Variants in DNAAF1 observed in about 807,000 individuals in gnomAD.
The protein encoded by DNAAF1 is dynein assembly factor 1, axonemal.
In DNAAF1, 65 loss-of-function variants were observed where a neutral mutation model predicts 71.1. That is an observed-to-expected ratio of 0.91 (90% CI 0.75 to 1.12). DNAAF1 has a LOEUF of 1.12. DNAAF1 is among the 50% of genes most tolerant of loss of function. DNAAF1 has a pLI of 0.00. For missense variants in DNAAF1, 1,178 were observed against 899.8 expected, an observed-to-expected ratio of 1.31 and a Z score of -3.96; for synonymous variants, 414 against 354.6, an observed-to-expected ratio of 1.17 and a Z score of -1.88.
chr16:84,176,441 TG>T (rs2088665532), intron 11 of DNAAF1, 142 bp downstream of exon 11: 1 of 1,289,346 alleles, frequency 7.8e-7, no homozygotes, highest in South Asian at 1.2e-5. Context: ...ACAGATCCTC[TG>T]AAGGTCCCAT....
intron 3 of DNAAF1, among the ~76,000 whole-genome samples, chr16:84,153,074 G>C (rs1288957529): frequency 6.6e-6 from 1 of 152,144 alleles, no homozygotes. Context: ...AATGTGACCA[G>C]TTACTGGCTG....
intron 6 of DNAAF1, among the ~76,000 whole-genome samples, chr16:84,161,137 C>T (rs751711441): frequency 3.9e-5 from 6 of 152,122 alleles, no homozygotes; most frequent in Non-Finnish European, 7.3e-5. Context: ...CCTGGGCGCA[C>T]GTTCCTCATC....
chr16:84,145,574 G>A lies in DNAAF1; in HGVS notation c.124+10G>A, dbSNP rs1218358580. On this transcript the variant is annotated intron_variant, in intron 1 of 11. Transcript: ENST00000378553. ...GGGGGCTGCAAGGAAGGTGCCGACT[G>A]CCCCCCAGGGAGGGCGGTGGGCGAG... 1 of 1,544,876 alleles carries A rather than the reference G, an allele frequency of 6.5e-7. No homozygotes were observed. Among genetic ancestry groups the A allele is most frequent in the Non-Finnish European group, 8.7e-7 (1 of 1,145,390 alleles).
intron 7 of DNAAF1, among the ~76,000 whole-genome samples, chr16:84,167,836 A>G (rs1685702111): frequency 6.6e-6 from 1 of 152,006 alleles, no homozygotes; most frequent in African/African-American, 2.4e-5. Flanking sequence ...AACAACATGG[A>G]GAAACCCCGT....
chr16:84,158,312 C>T (rs1031417209), intron 5 of DNAAF1, among the ~76,000 whole-genome samples: 1 of 152,174 alleles, frequency 6.6e-6, no homozygotes, highest in African/African-American at 2.4e-5. Flanking sequence ...GAGGCATCTC[C>T]TTGGCTGGTA....
rs373057879 is a variant in DNAAF1 at position 84,162,817 on chromosome 16, A to G, written c.864-2966A>G. ...CTGGGTGACAGTGGGAGACTGTCTC[A>G]AAAAAACAAAAAAAAAAGAAATACC... On this transcript the variant is annotated intron_variant, in intron 6 of 11. Coordinates refer to ENST00000378553, the MANE Select transcript of DNAAF1 (RefSeq NM_178452.6). 9.2e-5 allele frequency among the ~76,000 whole-genome samples: 14 copies of G among 151,954 alleles called. No individual in the cohort carries two copies. The South Asian group carries it at 2.9e-3, about 32-fold the overall frequency.
At chr16:84,150,961 GGTTGGGAGGTATAT>G (rs1216727524) in intron 3 of DNAAF1, among the ~76,000 whole-genome samples, 1 of 152,100 alleles carries the variant, frequency 6.6e-6, no homozygotes, top group Admixed American at 6.6e-5. Context: ...AGTACTTTGG[GGTTGGGAGGTATAT>G]GTTGGGAAGG....
At chr16:84,172,203 T>C (rs2088394502) in intron 8 of DNAAF1, 57 bp from the exon 9 acceptor site, 3 of 1,536,046 alleles carry the variant, frequency 2.0e-6, no homozygotes, top group Non-Finnish European at 2.7e-6. Flanking sequence ...CACCGTAGGC[T>C]CGTCCATCTG....
At chr16:84,155,375 T>C (rs1017706383) in intron 4 of DNAAF1, among the ~76,000 whole-genome samples, 3 of 152,156 alleles carry the variant, frequency 2.0e-5, no homozygotes, top group African/African-American at 7.2e-5. Context: ...ACCACAGGCA[T>C]GTGCCACCAG....
In DNAAF1 at chr16:84,146,121, A is replaced by C. The variant is rs138174166; in HGVS notation, c.124+557A>C. On this transcript the variant is annotated intron_variant, in intron 1 of 11. Transcript: ENST00000378553. ...CAAACAAACAAACAAACAAACAAGC[A>C]AACAAAACCCACCAGACTCAGGCCC... 3.3e-3 allele frequency among the ~76,000 whole-genome samples: 507 copies of C among 152,060 alleles called. 3 individuals carry two copies. Among genetic ancestry groups the C allele is most frequent in the African/African-American group, 0.011 (466 of 41,410 alleles).
intron 2 of DNAAF1, among the ~76,000 whole-genome samples, chr16:84,149,420 A>G (rs1441773091): frequency 6.6e-6 from 1 of 152,174 alleles, no homozygotes; most frequent in African/African-American, 2.4e-5. Context: ...GGCCGGGCGC[A>G]GTGGCTCATG....
At chr16:84,148,592 C>CTTTTTTTTTTTTTTTTTTTTTTT in intron 1 of DNAAF1, among the ~76,000 whole-genome samples, 2 of 33,484 alleles carry the variant, frequency 6.0e-5, no homozygotes, top group African/African-American at 9.6e-5. Flanking sequence ...TTCTCTCTCT[C>CTTTTTTTTTTTTTTTTTTTTTTT]TCTCTTTTTT....
intron 1 of DNAAF1, among the ~76,000 whole-genome samples, chr16:84,145,831 C>T (rs949982897): frequency 4.6e-5 from 7 of 152,148 alleles, no homozygotes; most frequent in Non-Finnish European, 8.8e-5. Context: ...GGTGGCTCAA[C>T]GCCTGTAATT....
chr16:84,155,213 GTGTTTT>G (rs2087370126), intron 4 of DNAAF1, among the ~76,000 whole-genome samples: 1 of 151,652 alleles, frequency 6.6e-6, no homozygotes, highest in Admixed American at 6.6e-5. Context: ...CAGCCAAGAA[GTGTTTT>G]TGGTTTTGTT....
chr16:84,169,359 T>A (rs2088200329), intron 7 of DNAAF1, among the ~76,000 whole-genome samples: 1 of 152,042 alleles, frequency 6.6e-6, no homozygotes, highest in Admixed American at 6.5e-5. Flanking sequence ...ATGCTGGGAT[T>A]ACAAGCATGA....
At chr16:84,161,938 T>A (rs1385730313) in intron 6 of DNAAF1, among the ~76,000 whole-genome samples, 1 of 152,164 alleles carries the variant, frequency 6.6e-6, no homozygotes, top group Non-Finnish European at 1.5e-5. Context: ...GATCAGCTCT[T>A]ACATTCACTG....
chr16:84,145,538 G>A lies in DNAAF1; in HGVS notation c.98G>A (p.Ser33Asn). 6.4e-7 allele frequency: 1 copy of A among 1,551,750 alleles called. No individual in the cohort carries two copies. The highest frequency in any genetic ancestry group is 1.2e-5 in the South Asian group (1 of 84,238). Residue 33 changes from serine (S) to asparagine (N), a missense_variant, in exon 1 of 12, where the codon AGC (serine) becomes AAC (asparagine). Physicochemically the swap from Ser to Asn is conservative, Grantham distance 46 (BLOSUM62 1). Coordinates refer to ENST00000378553, the MANE Select transcript of DNAAF1 (RefSeq NM_178452.6). ...GVEESAGDHG[S>N]AGRGGCKEEI... The stretch of plus-strand genomic sequence containing the variant: ...GAGGAGTCTGCGGGTGACCACGGGA[G>A]CGCAGGCCGAGGGGGCTGCAAGGAA...
At chr16:84,162,636 C>A (rs1023784337) in intron 6 of DNAAF1, among the ~76,000 whole-genome samples, 1 of 151,828 alleles carries the variant, frequency 6.6e-6, no homozygotes, top group Non-Finnish European at 1.5e-5. Flanking sequence ...CTGGCCAACA[C>A]GGTGAAACCT....
At position 84,173,471 on chromosome 16, in the gene DNAAF1, A is replaced by T. The variant is rs147707271; in HGVS notation, c.1644+1096A>T. 5.9e-4 allele frequency: 582 copies of T among 983,498 alleles called. 2 individuals carry two copies. In the African/African-American group the frequency reaches 9.7e-3, roughly 16 times the overall value. 60.9% of individuals were successfully genotyped at this position (983,498 alleles called of 1,614,324 possible). ...AGAGCGAGACTCCATCTCAAAAAAGAAAAAAAGAGTTAAAGTGATCACGGT... is the reference window on the plus strand; with the variant it reads ...AGAGCGAGACTCCATCTCAAAAAAGTAAAAAAGAGTTAAAGTGATCACGGT... On this transcript the variant is annotated intron_variant, in intron 9 of 11. Coordinates refer to ENST00000378553, the MANE Select transcript of DNAAF1 (RefSeq NM_178452.6).
Sources: allele counts gnomAD v4.1 joint callset (sites outside exome capture counted in the v4.1 genomes callset), GRCh38; gene constraint gnomAD v4.1.1; transcripts MANE v1.5; gene names NCBI Gene and HGNC (gene_info 2026-07-23, HGNC 2026-07-21).